The following HECW1 variants were observed in gnomAD, a reference collection of about 807,000 sequenced individuals.
HECW1 encodes the protein HECT, C2 and WW domain containing E3 ubiquitin protein ligase 1, also known as E3 ubiquitin-protein ligase HECW1.
HECW1 carries 61 observed loss-of-function variants against 182.3 expected under a neutral mutation model. That is an observed-to-expected ratio of 0.33 (90% CI 0.27 to 0.41). The LOEUF (loss-of-function observed/expected upper bound fraction) is 0.41. Among genes scored for constraint, HECW1 ranks in the 10% least tolerant of loss-of-function variants. The probability of loss-of-function intolerance (pLI) is 1.00; values close to 1 mark genes in which losing one functional copy is unlikely to be tolerated. For synonymous variants in HECW1, 859 were observed against 832.6 expected (o/e 1.03, Z -0.55); for missense variants, 1,739 against 2,108.9 (o/e 0.82, Z 3.44).
chr7:43,556,280 G>A (rs1327190320), intron 29 of HECW1, among the ~76,000 whole-genome samples: 2 of 152,184 alleles, frequency 1.3e-5, no homozygotes, highest in Non-Finnish European at 1.5e-5. Flanking sequence ...GGCTGAGAGC[G>A]GGGAATGGCA....
At chr7:43,303,218 T>G (rs1335316181) in intron 3 of HECW1, among the ~76,000 whole-genome samples, 1 of 152,020 alleles carries the variant, frequency 6.6e-6, no homozygotes, top group African/African-American at 2.4e-5. Flanking sequence ...AGTCCTAGAC[T>G]TGAGCAAAGC....
At chr7:43,420,875 A>G (rs1000697826) in intron 8 of HECW1, among the ~76,000 whole-genome samples, 5 of 152,158 alleles carry the variant, frequency 3.3e-5, no homozygotes, top group Admixed American at 1.3e-4. Context: ...CCCCAAATTG[A>G]TCTGTGGTTT....
intron 26 of HECW1, among the ~76,000 whole-genome samples, chr7:43,542,348 A>G (rs2081394101): frequency 6.6e-6 from 1 of 152,036 alleles, no homozygotes; most frequent in Non-Finnish European, 1.5e-5. Flanking sequence ...AGGCTCATCC[A>G]TGTTGTAGCA....
chr7:43,319,021 G>T (rs1171034867), intron 4 of HECW1, among the ~76,000 whole-genome samples: 1 of 152,230 alleles, frequency 6.6e-6, no homozygotes, highest in East Asian at 1.9e-4. Context: ...AACCAAGGAG[G>T]TGACAGGCAG....
chr7:43,195,081 C>A (rs894244175), intron 2 of HECW1, among the ~76,000 whole-genome samples: 19 of 152,240 alleles, frequency 1.2e-4, no homozygotes, highest in Admixed American at 4.6e-4. Flanking sequence ...TCATTGTGTT[C>A]CCCTTACCTA....
intron 3 of HECW1, among the ~76,000 whole-genome samples, chr7:43,289,864 G>C (rs1805168009): frequency 6.6e-6 from 1 of 152,246 alleles, no homozygotes; most frequent in African/African-American, 2.4e-5. Flanking sequence ...AGGACATCTT[G>C]AAGTGGGGGC....
intron 3 of HECW1, among the ~76,000 whole-genome samples, chr7:43,261,490 C>T (rs190404979): frequency 2.3e-3 from 343 of 152,282 alleles, no homozygotes; most frequent in Non-Finnish European, 3.7e-3. Flanking sequence ...AAGTGCAAGG[C>T]AGTTTAAACC....
intron 8 of HECW1, among the ~76,000 whole-genome samples, chr7:43,412,249 C>T (rs562982331): frequency 1.3e-5 from 2 of 151,976 alleles, no homozygotes; most frequent in East Asian, 3.8e-4. Context: ...TATCCACACT[C>T]GTGATCTTTC....
At chr7:43,431,378 C>T (rs1303217291) in intron 8 of HECW1, among the ~76,000 whole-genome samples, 1 of 152,220 alleles carries the variant, frequency 6.6e-6, no homozygotes, top group East Asian at 1.9e-4. Flanking sequence ...ACTCCTCCCA[C>T]ATGCCCTCAA....
chr7:43,233,096 C>T (rs1798022212), intron 2 of HECW1, among the ~76,000 whole-genome samples: 1 of 152,196 alleles, frequency 6.6e-6, no homozygotes, highest in South Asian at 2.1e-4. Context: ...TTCTCTCCTT[C>T]TCCCTAGCTG....
rs1455192611 is a variant in HECW1 at position 43,519,348 on chromosome 7, C to T, written c.4019+10227C>T. On this transcript the variant is annotated intron_variant, in intron 24 of 29. Transcript: ENST00000395891. Reference sequence around the variant, plus strand: ...GCAACCTCCACCTTCCTGGTTCAAGCGATTCTCCTGCCTCAGCCTCCTGAG... The same window carrying T: ...GCAACCTCCACCTTCCTGGTTCAAGTGATTCTCCTGCCTCAGCCTCCTGAG... 5.3e-5 allele frequency among the ~76,000 whole-genome samples: 8 copies of T among 152,138 alleles called. No homozygotes were observed. In the South Asian group the frequency reaches 6.2e-4, roughly 12 times the overall value.
intron 8 of HECW1, among the ~76,000 whole-genome samples, chr7:43,437,801 C>A (rs1258916743): frequency 6.6e-6 from 1 of 152,076 alleles, no homozygotes; most frequent in Non-Finnish European, 1.5e-5. Context: ...AAGAATAAGC[C>A]TATTTTTAAG....
intron 3 of HECW1, among the ~76,000 whole-genome samples, chr7:43,273,704 A>G (rs893292605): frequency 3.3e-5 from 5 of 152,232 alleles, no homozygotes; most frequent in African/African-American, 1.2e-4. Context: ...AAATCAGGAT[A>G]TTTGACAATA....
At chr7:43,214,782 C>T (rs1332375593) in intron 2 of HECW1, among the ~76,000 whole-genome samples, 3 of 152,226 alleles carry the variant, frequency 2.0e-5, no homozygotes, top group African/African-American at 7.2e-5. Flanking sequence ...GGAGGAGGAA[C>T]CCCCAGAGAG....
At chr7:43,292,037 TGAGA>T (rs1178109124) in intron 3 of HECW1, among the ~76,000 whole-genome samples, 2 of 152,222 alleles carry the variant, frequency 1.3e-5, no homozygotes, top group African/African-American at 2.4e-5. Context: ...TTCCTGGGGC[TGAGA>T]GAGAGAAACT....
rs1324656579 is a variant in HECW1 at position 43,311,903 on chromosome 7, C to A, written c.168C>A (p.Gly56=). Residue 56 remains glycine, a synonymous_variant, in exon 4 of 30, where the codon GGC becomes GGA. Coordinates refer to ENST00000395891, the MANE Select transcript of HECW1 (RefSeq NM_015052.5). The part of the protein sequence containing the change: ...DQFHNMDLRG[G]PHDGVTIPRS... The stretch of plus-strand genomic sequence containing the variant: ...TCCACAACATGGACCTCAGGGGCGG[C>A]CCCCACGATGGCGTCACCATTCCCC... 2 of 1,614,198 alleles carry A rather than the reference C, an allele frequency of 1.2e-6. No homozygotes were observed. The highest frequency in any genetic ancestry group is 8.5e-7 in the Non-Finnish European group (1 of 1,180,040).
At chr7:43,340,342 T>C (rs1030552005) in intron 5 of HECW1, among the ~76,000 whole-genome samples, 4 of 150,258 alleles carry the variant, frequency 2.7e-5, no homozygotes, top group Non-Finnish European at 5.9e-5. Flanking sequence ...TGCTTCAGCC[T>C]CCAGAGTAGC....
At chr7:43,532,528 C>T (rs2081033039) in intron 24 of HECW1, among the ~76,000 whole-genome samples, 1 of 152,166 alleles carries the variant, frequency 6.6e-6, no homozygotes, top group Non-Finnish European at 1.5e-5. Flanking sequence ...CCTCTCCAAA[C>T]TCATGTTCTG....
intron 5 of HECW1, among the ~76,000 whole-genome samples, chr7:43,357,771 G>A (rs1305762449): frequency 6.6e-6 from 1 of 151,540 alleles, no homozygotes; most frequent in Non-Finnish European, 1.5e-5. Flanking sequence ...AATGTCTCTA[G>A]CACAAAAAAA....
Sources: allele counts gnomAD v4.1 joint callset (sites outside exome capture counted in the v4.1 genomes callset), GRCh38; gene constraint gnomAD v4.1.1; transcripts MANE v1.5; gene names NCBI Gene and HGNC (gene_info 2026-07-23, HGNC 2026-07-21).